Variants in GPR180 observed in about 807,000 individuals in gnomAD.
GPR180 encodes G protein-coupled receptor 180, also known as integral membrane protein GPR180.
GPR180 carries 53 observed loss-of-function variants against 52.6 expected under a neutral mutation model. The ratio of observed to expected loss-of-function variants is 1.01; its 90% CI spans 0.81 to 1.27. The LOEUF (loss-of-function observed/expected upper bound fraction) is 1.27, where lower values mean the gene tolerates loss of function less well. Ranked by LOEUF, GPR180 falls within the 50% of genes most tolerant of loss-of-function variation. GPR180 has a pLI of 0.00. For synonymous variants in GPR180, 200 were observed against 193.1 expected, an observed-to-expected ratio of 1.04 and a Z score of -0.30; for missense variants, 533 against 527.0, an observed-to-expected ratio of 1.01 and a Z score of -0.11.
intron 5 of GPR180, among the ~76,000 whole-genome samples, chr13:94,619,774 G>A (rs1889829560): frequency 6.6e-6 from 1 of 152,188 alleles, no homozygotes; most frequent in Non-Finnish European, 1.5e-5. Flanking sequence ...CTGGAGTGCA[G>A]TGGCACAGTC....
chr13:94,624,984 C>G (rs1889908034), intron 7 of GPR180, among the ~76,000 whole-genome samples: 1 of 151,636 alleles, frequency 6.6e-6, no homozygotes, highest in Non-Finnish European at 1.5e-5. Context: ...TGGCTAATTT[C>G]TGCATTTTCA....
At chr13:94,603,728 T>G (rs1290672780) in intron 1 of GPR180, among the ~76,000 whole-genome samples, 1 of 152,086 alleles carries the variant, frequency 6.6e-6, no homozygotes, top group South Asian at 2.1e-4. Flanking sequence ...GTGGTAATTA[T>G]AGTAATAAAA....
rs1889961706 is a variant in GPR180 at position 94,629,014 on chromosome 13, A to G, written c.*1843A>G. On this transcript the variant is annotated 3_prime_UTR_variant, in exon 9 of 9. Transcript: ENST00000376958. Reference sequence around the variant, plus strand: ...TCTGCTTGCATTTATGAAACTAACCAGTTTTTTAAACTTTAATTCTTAAAT... The same window carrying G: ...TCTGCTTGCATTTATGAAACTAACCGGTTTTTTAAACTTTAATTCTTAAAT... 6.6e-6 allele frequency: 1 copy of G among 152,102 alleles called. No individual in the cohort carries two copies. The highest frequency in any genetic ancestry group is 1.9e-4 in the East Asian group (1 of 5,200). 9.4% of individuals were successfully genotyped at this position (152,102 alleles called of 1,614,324 possible). A position where few individuals can be genotyped will look rare whatever the true frequency, so the allele number is the denominator to read the frequency against.
chr13:94,620,782 C>T lies in GPR180; in HGVS notation c.737-296C>T, dbSNP rs187608304. 5.9e-5 allele frequency among the ~76,000 whole-genome samples: 9 copies of T among 152,000 alleles called. No individual in the cohort carries two copies. In the South Asian group the frequency reaches 1.2e-3, roughly 21 times the overall value. Reference sequence around the variant, plus strand: ...TAGAAAAGCTAAGAAAAATGGGAAACGAAAAGAGTTAAGGTTGGACTTAAT... The same window carrying T: ...TAGAAAAGCTAAGAAAAATGGGAAATGAAAAGAGTTAAGGTTGGACTTAAT... On this transcript the variant is annotated intron_variant, in intron 5 of 8. Transcript: ENST00000376958.
At chr13:94,618,296 G>A (rs1321443070) in intron 3 of GPR180, among the ~76,000 whole-genome samples, 3 of 152,086 alleles carry the variant, frequency 2.0e-5, no homozygotes, top group African/African-American at 4.8e-5. Context: ...ACTAAGAGAA[G>A]ATGATTAGCC....
chr13:94,621,497 G>T (rs1300165440), intron 6 of GPR180, among the ~76,000 whole-genome samples: 1 of 152,090 alleles, frequency 6.6e-6, no homozygotes, highest in African/African-American at 2.4e-5. Flanking sequence ...GCTCCTATCA[G>T]CTTATTTAAG....
intron 7 of GPR180, among the ~76,000 whole-genome samples, chr13:94,624,584 GTC>G (rs1889897801): frequency 6.6e-6 from 1 of 152,230 alleles, no homozygotes; most frequent in Non-Finnish European, 1.5e-5. Context: ...TTGAGACGGT[GTC>G]TCGCTCTATC....
At position 94,623,229 on chromosome 13, in the gene GPR180, T is replaced by G. The variant is rs1343685808; in HGVS notation, c.1015T>G (p.Cys339Gly). The change falls in exon 7 of 9, where the codon TGT (cysteine) becomes GGT (glycine). Residue 339 changes from cysteine to glycine, a missense_variant. Physicochemically the swap from Cys to Gly is radical, Grantham distance 159. Transcript: ENST00000376958. ...LRICLALSLG[C>G]GLYQIITVER... ...AATTTGCCTAGCATTGTCATTAGGC[T>G]GTGGACTCTATCAGATCATCACAGT... 1.4e-5 allele frequency: 22 copies of G among 1,613,964 alleles called. No homozygotes were observed. The highest frequency in any genetic ancestry group is 1.8e-5 in the Non-Finnish European group (21 of 1,179,834).
Position 94,601,916 on chromosome 13 carries a change from C to A in GPR180, c.-12C>A. The A allele has an allele frequency of 6.8e-7, 1 of 1,479,278 alleles. No individual in the cohort carries two copies. The highest frequency in any genetic ancestry group is 8.9e-7 in the Non-Finnish European group (1 of 1,120,094). The allele number at this position is 1,479,278 out of a possible 1,614,324, so 91.6% of individuals were successfully genotyped here. The stretch of plus-strand genomic sequence containing the variant: ...TGGGAGCCGAGGCGTCGGTGCAGAC[C>A]TGGAGACGGGCATGGGGGGGCTGCG... On this transcript the variant is annotated 5_prime_UTR_variant, in exon 1 of 9. It adds an upstream start codon to the 5' untranslated region. Coordinates refer to ENST00000376958, the MANE Select transcript of GPR180 (RefSeq NM_180989.6).
In GPR180 at chr13:94,630,865, T is replaced by C. The variant is rs1037813585; in HGVS notation, c.*3694T>C. The C allele has an allele frequency of 6.6e-6, 1 of 152,248 alleles. No individual in the cohort carries two copies. The highest frequency in any genetic ancestry group is 2.4e-5 in the African/African-American group (1 of 41,450). The allele number at this position is 152,248 out of a possible 1,614,324, so 9.4% of individuals were successfully genotyped here. A position where few individuals can be genotyped will look rare whatever the true frequency, so the allele number is the denominator to read the frequency against. ...GGAGATAGGTTCTGCAGAATTCTCT[T>C]CCATGCATAATTTCAGGACAATGTA... On this transcript the variant is annotated 3_prime_UTR_variant, in exon 9 of 9. Transcript: ENST00000376958.
rs1889819175 is a variant in GPR180 at position 94,619,179 on chromosome 13, C to G, written c.535C>G (p.Leu179Val). Residue 179 changes from leucine to valine, a missense_variant, in exon 4 of 9, where the codon CTA becomes GTA. Physicochemically the swap from Leu to Val is conservative, Grantham distance 32 (BLOSUM62 1). Transcript: ENST00000376958. ...ACATGAGTTCTTTTTCCTCCTAGTC[C>G]TAGTGTACTTTGTGATTGCTTGCAT... ...GLHEFFFLLV[L>V]VYFVIACIYA... The G allele has an allele frequency of 6.2e-7, 1 of 1,613,992 alleles. No individual in the cohort carries two copies. Among genetic ancestry groups the G allele is most frequent in the East Asian group, 2.2e-5 (1 of 44,860 alleles).
intron 1 of GPR180, among the ~76,000 whole-genome samples, chr13:94,602,417 T>C (rs1889570913): frequency 6.6e-6 from 1 of 152,030 alleles, no homozygotes. Context: ...CAAAGAAGCA[T>C]ATTTGCTCCT....
chr13:94,627,473 C>CT lies in GPR180; in HGVS notation c.*304dup. 1 of 317,996 alleles carries CT rather than the reference C, an allele frequency of 3.1e-6. No individual in the cohort carries two copies. Among genetic ancestry groups the CT allele is most frequent in the Non-Finnish European group, 5.7e-6 (1 of 175,282 alleles). The allele number at this position is 317,996 out of a possible 1,614,324, so 19.7% of individuals were successfully genotyped here. A position where few individuals can be genotyped will look rare whatever the true frequency, so the allele number is the denominator to read the frequency against. ...TGATATTTTGGTAAAATATTCACCA[C>CT]TTATAATGCCTCATCTTAATAGCTA... On this transcript the variant is annotated 3_prime_UTR_variant, in exon 9 of 9. Coordinates refer to ENST00000376958, the MANE Select transcript of GPR180 (RefSeq NM_180989.6).
rs139759282 is a variant in GPR180 at position 94,618,528 on chromosome 13, G to A, written c.506-622G>A. Among the ~76,000 whole-genome samples, 328 of 147,904 alleles carry A rather than the reference G, an allele frequency of 2.2e-3. 4 individuals are homozygous for A. The highest frequency in any genetic ancestry group is 0.021 in the Middle Eastern group (6 of 280). On this transcript the variant is annotated intron_variant, in intron 3 of 8. Coordinates refer to ENST00000376958, the MANE Select transcript of GPR180 (RefSeq NM_180989.6). ...AGGTTTGTCCAAATGGAAATTCAAG[G>A]TATTGGGACATTCCAGAGCTGTGGT... is the stretch of plus-strand genomic sequence containing the variant.
At chr13:94,611,272 C>G (rs138147678) in intron 2 of GPR180, among the ~76,000 whole-genome samples, 1 of 152,102 alleles carries the variant, frequency 6.6e-6, no homozygotes, top group Non-Finnish European at 1.5e-5. Context: ...AAAGAACAAC[C>G]AATCAGAAAA....
intron 2 of GPR180, 71 bp from the exon 3 acceptor site, chr13:94,612,119 G>T (rs1889714073): frequency 2.5e-6 from 3 of 1,192,114 alleles, no homozygotes; most frequent in Non-Finnish European, 3.7e-6. Flanking sequence ...ACCTCAAATT[G>T]ATTATATGAC....
chr13:94,602,059 C>T lies in GPR180; in HGVS notation c.132C>T (p.His44=), dbSNP rs1468882887. 3.6e-6 allele frequency: 5 copies of T among 1,399,884 alleles called. No individual in the cohort carries two copies. In the African/African-American group the frequency reaches 5.9e-5, roughly 16 times the overall value. 86.7% of individuals were successfully genotyped at this position (1,399,884 alleles called of 1,614,324 possible). The stretch of plus-strand genomic sequence containing the variant: ...ACGCCCAGGGCCAGCGCATCGGCCA[C>T]TTCGAGTTCCATGGTAGGTCTGGGG... ...AQDAQGQRIG[H]FEFHGDHALL... The change falls in exon 1 of 9, where the codon CAC becomes CAT. Residue 44 remains histidine, a synonymous_variant. Coordinates refer to ENST00000376958, the MANE Select transcript of GPR180 (RefSeq NM_180989.6).
At chr13:94,618,459 C>T (rs1458699181) in intron 3 of GPR180, among the ~76,000 whole-genome samples, 1 of 73,536 alleles carries the variant, frequency 1.4e-5, no homozygotes, top group South Asian at 3.3e-4. Context: ...GAGCTGCAGA[C>T]AGTTTATCTC....
At chr13:94,605,058 A>G (rs1889611906) in intron 1 of GPR180, among the ~76,000 whole-genome samples, 1 of 152,218 alleles carries the variant, frequency 6.6e-6, no homozygotes, top group South Asian at 2.1e-4. Context: ...GGACATTTCT[A>G]TAGATTATGA....
Sources: gnomAD v4.1 joint callset for allele counts (sites outside exome capture counted in the v4.1 genomes callset) on GRCh38, gnomAD v4.1.1 for gene constraint, MANE v1.5 for transcripts, NCBI Gene and HGNC (gene_info 2026-07-23, HGNC 2026-07-21) for gene names.